Variants in SLC25A48 observed in about 807,000 individuals in gnomAD.
SLC25A48 encodes the protein solute carrier family 25 member 48.
In SLC25A48, 29 loss-of-function variants were observed where a neutral mutation model predicts 32.2. The observed-to-expected ratio is 0.90, with a 90% CI of 0.67 to 1.23. SLC25A48 has a LOEUF of 1.23. Among genes scored for constraint, SLC25A48 ranks in the 50% most tolerant of loss-of-function variants. The pLI, the probability that SLC25A48 is intolerant of heterozygous loss-of-function variation, is 0.00. For missense variants in SLC25A48, 399 were observed against 422.7 expected (o/e 0.94, Z 0.49); for synonymous variants, 164 against 172.3 (o/e 0.95, Z 0.38).
intron 4 of SLC25A48, among the ~76,000 whole-genome samples, chr5:135,853,250 TG>T (rs1196818209): frequency 1.3e-5 from 2 of 152,202 alleles, no homozygotes; most frequent in African/African-American, 4.8e-5. Context: ...TCAGGGTTGT[TG>T]TTGCTGAAGG....
At chr5:135,662,288 G>C (rs1223961176) in intron 3 of SLC25A48, among the ~76,000 whole-genome samples, 1 of 152,136 alleles carries the variant, frequency 6.6e-6, no homozygotes, top group African/African-American at 2.4e-5. Flanking sequence ...GCCTGGCTCA[G>C]CTCACCACTG....
At chr5:135,598,326 A>G (rs539103518) in intron 1 of SLC25A48, among the ~76,000 whole-genome samples, 55 of 152,324 alleles carry the variant, frequency 3.6e-4, no homozygotes, top group Admixed American at 1.4e-3. Flanking sequence ...CTCATTTAAC[A>G]GCATCATCAT....
intron 1 of SLC25A48, among the ~76,000 whole-genome samples, chr5:135,625,030 ATGAG>A (rs1752413166): frequency 7.9e-5 from 12 of 152,084 alleles, no homozygotes; most frequent in Admixed American, 3.9e-4. Flanking sequence ...GGGGAGAAGG[ATGAG>A]CCATGTGCTC....
rs1336725730 is a variant in SLC25A48 at position 135,886,646 on chromosome 5, A to G, written c.*8-1386A>G. Among the ~76,000 whole-genome samples the G allele has an allele frequency of 2.9e-3, 106 of 36,446 alleles. 2 individuals carry two copies. The highest frequency in any genetic ancestry group is 0.018 in the African/African-American group (94 of 5,284). The allele number at this position is 36,446 out of a possible 152,430, so 23.9% of individuals were successfully genotyped here. A position where few individuals can be genotyped will look rare whatever the true frequency, so the allele number is the denominator to read the frequency against. ...ATATATATATATATATAAAATATATATATGTGTGTGTGTGTGTGTGTGTGT... is the reference window on the plus strand; with the variant it reads ...ATATATATATATATATAAAATATATGTATGTGTGTGTGTGTGTGTGTGTGT... On this transcript the variant is annotated intron_variant, in intron 7 of 7. Transcript: ENST00000681962.
At chr5:135,623,082 C>A (rs1354327296) in intron 1 of SLC25A48, among the ~76,000 whole-genome samples, 1 of 152,200 alleles carries the variant, frequency 6.6e-6, no homozygotes, top group Non-Finnish European at 1.5e-5. Flanking sequence ...GCTAAGGCAC[C>A]TCTCCATCCT....
intron 1 of SLC25A48, among the ~76,000 whole-genome samples, chr5:135,597,833 G>T (rs1751690693): frequency 6.6e-6 from 1 of 152,042 alleles, no homozygotes. Context: ...GTGAAACCTT[G>T]CCTCTACTAA....
intron 6 of SLC25A48, chr5:135,875,510 TA>T (rs1386427531): frequency 4.6e-5 from 7 of 152,380 alleles, no homozygotes; most frequent in Non-Finnish European, 8.8e-5. Flanking sequence ...GAAGTCACTG[TA>T]AAGTCCAGCC....
At chr5:135,760,855 C>A (rs4605777) in intron 3 of SLC25A48, among the ~76,000 whole-genome samples, 107,851 of 152,094 alleles carry the variant, frequency 0.71, 39,682 homozygotes, top group Middle Eastern at 0.83. Context: ...GTGTATAACC[C>A]GTGTGCATTT....
chr5:135,861,996 T>C (rs1260142065), intron 4 of SLC25A48, among the ~76,000 whole-genome samples: 2 of 152,260 alleles, frequency 1.3e-5, no homozygotes, highest in Non-Finnish European at 2.9e-5. Context: ...CTGTGTTCAG[T>C]TGTATGTGCC....
At chr5:135,660,641 G>T (rs149311316) in intron 3 of SLC25A48, among the ~76,000 whole-genome samples, 5 of 152,146 alleles carry the variant, frequency 3.3e-5, no homozygotes, top group African/African-American at 7.2e-5. Flanking sequence ...GGTTTTTTTT[G>T]TATAGGAAGT....
At chr5:135,680,159 T>C (rs1753861669) in intron 3 of SLC25A48, among the ~76,000 whole-genome samples, 1 of 152,214 alleles carries the variant, frequency 6.6e-6, no homozygotes, top group Non-Finnish European at 1.5e-5. Context: ...ATGGTCCATT[T>C]GAAGTGTGAT....
chr5:135,587,925 C>G (rs1011643087), intron 1 of SLC25A48, among the ~76,000 whole-genome samples: 4 of 152,138 alleles, frequency 2.6e-5, no homozygotes, highest in Non-Finnish European at 5.9e-5. Context: ...GAAGGGAAAC[C>G]AGATGTGGAT....
At chr5:135,654,704 C>G (rs1230392438) in intron 3 of SLC25A48, among the ~76,000 whole-genome samples, 2 of 152,170 alleles carry the variant, frequency 1.3e-5, no homozygotes, top group African/African-American at 4.8e-5. Flanking sequence ...AGTCAGTTGA[C>G]TTTACATAAA....
chr5:135,878,970 A>G (rs1386014127), intron 6 of SLC25A48, among the ~76,000 whole-genome samples: 1 of 152,160 alleles, frequency 6.6e-6, no homozygotes, highest in Non-Finnish European at 1.5e-5. Context: ...CTAATGGGTT[A>G]TAACTGCTTG....
chr5:135,689,625 G>T (rs1380033933), intron 3 of SLC25A48, among the ~76,000 whole-genome samples: 6 of 152,196 alleles, frequency 3.9e-5, no homozygotes, highest in Non-Finnish European at 8.8e-5. Context: ...ATTGAGGATT[G>T]CAGGTGGTTC....
chr5:135,694,441 T>C (rs925868938), intron 3 of SLC25A48, among the ~76,000 whole-genome samples: 2 of 152,154 alleles, frequency 1.3e-5, no homozygotes, highest in South Asian at 2.1e-4. Context: ...TATTTAGGGA[T>C]GTAAAATGGC....
intron 3 of SLC25A48, among the ~76,000 whole-genome samples, chr5:135,682,149 C>G (rs1313653856): frequency 3.3e-5 from 5 of 152,156 alleles, no homozygotes; most frequent in Admixed American, 6.5e-5. Flanking sequence ...TTTGGATTCC[C>G]CCTGTCTGCT....
intron 4 of SLC25A48, among the ~76,000 whole-genome samples, chr5:135,858,330 C>A (rs1249527141): frequency 6.6e-6 from 1 of 152,156 alleles, no homozygotes; most frequent in Non-Finnish European, 1.5e-5. Flanking sequence ...GCACAAAGAG[C>A]AAAGCCAAAG....
At chr5:135,806,396 T>C (rs1757464522) in intron 3 of SLC25A48, among the ~76,000 whole-genome samples, 1 of 151,428 alleles carries the variant, frequency 6.6e-6, no homozygotes. Flanking sequence ...ATACTGAGTA[T>C]TAACATTTGT....
Sources: allele counts gnomAD v4.1 joint callset (sites outside exome capture counted in the v4.1 genomes callset), GRCh38; gene constraint gnomAD v4.1.1; transcripts MANE v1.5; gene names NCBI Gene and HGNC (gene_info 2026-07-23, HGNC 2026-07-21).